The following RASSF4 variants were observed in gnomAD, a reference collection of about 807,000 sequenced individuals.
RASSF4 encodes Ras association domain family member 4.
RASSF4 carries 38 observed loss-of-function variants against 41.1 expected under a neutral mutation model. The observed-to-expected ratio is 0.92, with a 90% CI of 0.71 to 1.21. The LOEUF is 1.21. Among genes scored for constraint, RASSF4 ranks in the 50% most tolerant of loss-of-function variants. The pLI, the probability that RASSF4 is intolerant of heterozygous loss-of-function variation, is 0.00. For missense variants in RASSF4, 414 were observed against 419.4 expected (o/e 0.99, Z 0.11); for synonymous variants, 179 against 163.4 (o/e 1.10, Z -0.73).
At chr10:44,970,356 C>T (rs1841100384) in intron 2 of RASSF4, 92 bp downstream of exon 2, 4 of 1,048,152 alleles carry the variant, frequency 3.8e-6, no homozygotes, top group East Asian at 2.4e-5. Flanking sequence ...GTTCTGAGCA[C>T]TTGTTCAGAG....
rs139141249 is a variant in RASSF4 at position 44,977,533 on chromosome 10, C to G, written c.139-4988C>G. 1.5e-5 allele frequency: 24 copies of G among 1,613,342 alleles called. No homozygotes were observed. In the African/African-American group the frequency reaches 3.1e-4, roughly 21 times the overall value. ...GGTCAGAGCTCTGCTGCCCATCCTG[C>G]GGTGGTCTTGCCAGGGAATGCCCAG... On this transcript the variant is annotated intron_variant, in intron 3 of 10. Coordinates refer to ENST00000340258, the MANE Select transcript of RASSF4 (RefSeq NM_032023.4).
At position 44,989,307 on chromosome 10, in the gene RASSF4, A is replaced by C; in HGVS notation, c.565A>C (p.Thr189Pro). The C allele has an allele frequency of 6.2e-7, 1 of 1,613,916 alleles. No homozygotes were observed. The highest frequency in any genetic ancestry group is 8.5e-7 in the Non-Finnish European group (1 of 1,179,858). Residue 189 changes from threonine to proline, a missense_variant, in exon 7 of 11, where the codon ACC (threonine) becomes CCC (proline). By Grantham distance (38) the Thr-to-Pro change is conservative. Transcript: ENST00000340258. ...GTTTACTCCAGCCTATGGATCCGTG[A>C]CCAATGTGAGGGTCAACAGCACCAT... ...SVFTPAYGSV[T>P]NVRVNSTMTT...
At chr10:44,962,707 T>C (rs1840751513) in intron 1 of RASSF4, among the ~76,000 whole-genome samples, 1 of 152,174 alleles carries the variant, frequency 6.6e-6, no homozygotes, top group African/African-American at 2.4e-5. Flanking sequence ...GCTAAGAAGA[T>C]CTTTGTTTCT....
Position 44,993,553 on chromosome 10 carries a change from CT to C in RASSF4, c.*226del. 1.7e-6 allele frequency: 1 copy of C among 572,644 alleles called. No homozygotes were observed. 35.5% of individuals were successfully genotyped at this position (572,644 alleles called of 1,614,324 possible). The stretch of plus-strand genomic sequence containing the variant: ...CGACCCAGGCCTGAGGGGCCAGGAA[CT>C]TGCTGGGTCAGATCTGTGTGGCCAG... On this transcript the variant is annotated 3_prime_UTR_variant, in exon 11 of 11. Transcript: ENST00000340258.
chr10:44,963,033 G>A (rs1840764687), intron 1 of RASSF4, among the ~76,000 whole-genome samples: 1 of 152,134 alleles, frequency 6.6e-6, no homozygotes, highest in Non-Finnish European at 1.5e-5. Context: ...GGCCAGAACC[G>A]CAGCGGGGAG....
intron 7 of RASSF4, 50 bp downstream of exon 7, chr10:44,989,425 T>C: frequency 7.4e-7 from 1 of 1,349,422 alleles, no homozygotes; most frequent in Middle Eastern, 1.8e-4. Flanking sequence ...TGGTCTGCTA[T>C]TCTGTTGGGG....
At chr10:44,969,800 A>C (rs1388954153) in intron 1 of RASSF4, among the ~76,000 whole-genome samples, 1 of 152,248 alleles carries the variant, frequency 6.6e-6, no homozygotes, top group Non-Finnish European at 1.5e-5. Context: ...GTAGCTCTGG[A>C]GGATTGCAGG....
chr10:44,969,104 G>GTTT (rs34122459), intron 1 of RASSF4, among the ~76,000 whole-genome samples: 23 of 149,480 alleles, frequency 1.5e-4, no homozygotes, highest in Admixed American at 2.6e-4. Context: ...GTATGCGTGT[G>GTTT]TTTTTGTGTG....
chr10:44,960,571 CT>C (rs1046119173), intron 1 of RASSF4, among the ~76,000 whole-genome samples: 2 of 152,222 alleles, frequency 1.3e-5, no homozygotes, highest in African/African-American at 4.8e-5. Context: ...CCATCCTGCA[CT>C]TCCCACTTCC....
At chr10:44,991,566 G>A (rs996903673) in intron 9 of RASSF4, among the ~76,000 whole-genome samples, 1 of 152,226 alleles carries the variant, frequency 6.6e-6, no homozygotes, top group South Asian at 2.1e-4. Context: ...TCAGGCTGCT[G>A]CAATTGCATT....
chr10:44,965,229 G>A (rs571577610), intron 1 of RASSF4, among the ~76,000 whole-genome samples: 1 of 152,310 alleles, frequency 6.6e-6, no homozygotes, highest in East Asian at 1.9e-4. Context: ...TTAGATTCTG[G>A]TGAAACAGGC....
At chr10:44,982,047 G>A (rs1841727710) in intron 3 of RASSF4, 1 of 184,434 alleles carries the variant, frequency 5.4e-6, no homozygotes, top group South Asian at 9.4e-5. Flanking sequence ...GTGAGGCTGA[G>A]ACACAGCTAG....
At chr10:44,972,251 G>A (rs949411944) in intron 3 of RASSF4, among the ~76,000 whole-genome samples, 1 of 152,166 alleles carries the variant, frequency 6.6e-6, no homozygotes, top group Admixed American at 6.5e-5. Flanking sequence ...CCACATATCT[G>A]CAGGGTCTCA....
In RASSF4 at chr10:44,991,028, T is replaced by C. The variant is rs1842090628; in HGVS notation, c.766T>C (p.Phe256Leu). The C allele has an allele frequency of 6.2e-7, 1 of 1,613,790 alleles. No individual in the cohort carries two copies. Among genetic ancestry groups the C allele is most frequent in the Non-Finnish European group, 8.5e-7 (1 of 1,179,844 alleles). ...GCCATGTGAGAAGATCGCCAGGATCTTCCTGATGGAAGCTGACTTGGGCGT... is the reference window on the plus strand; with the variant it reads ...GCCATGTGAGAAGATCGCCAGGATCCTCCTGATGGAAGCTGACTTGGGCGT... ...HGPCEKIARI[F>L]LMEADLGVEV... Residue 256 changes from phenylalanine to leucine, a missense_variant, in exon 9 of 11, where the codon TTC becomes CTC. Coordinates refer to ENST00000340258, the MANE Select transcript of RASSF4 (RefSeq NM_032023.4).
At position 44,977,952 on chromosome 10, in the gene RASSF4, G is replaced by A. The variant is rs1251282664; in HGVS notation, c.139-4569G>A. 2.0e-5 allele frequency: 33 copies of A among 1,612,014 alleles called. No individual in the cohort carries two copies. The East Asian group carries it at 7.1e-4, about 35-fold the overall frequency. ...GGAGAGGGTGGGGGCTCCTGTCCAG[G>A]ACCCCCAAGCAGCATCTCCTCCGTG... On this transcript the variant is annotated intron_variant, in intron 3 of 10. Coordinates refer to ENST00000340258, the MANE Select transcript of RASSF4 (RefSeq NM_032023.4).
chr10:44,989,444 C>G, intron 7 of RASSF4, 69 bp downstream of exon 7: 1 of 1,174,206 alleles, frequency 8.5e-7, no homozygotes, highest in South Asian at 1.3e-5. Flanking sequence ...GGGTGGGGTT[C>G]TGGGGAAAGC....
chr10:44,977,919 C>T (rs370892703), intron 3 of RASSF4: 146 of 1,612,616 alleles, frequency 9.1e-5, no homozygotes, highest in Non-Finnish European at 1.2e-4. Flanking sequence ...ACGTAGTCAT[C>T]CAGGCTAGGA....
rs1344141962 is a variant in RASSF4, at chr10:44,991,064, C to T, written c.802C>T (p.His268Tyr). 1 of 1,612,170 alleles carries T rather than the reference C, an allele frequency of 6.2e-7. No homozygotes were observed. The highest frequency in any genetic ancestry group is 8.5e-7 in the Non-Finnish European group (1 of 1,178,748). Residue 268 changes from histidine to tyrosine, a missense_variant, in exon 9 of 11, where the codon CAT becomes TAT. By Grantham distance (83) the His-to-Tyr change is moderately conservative. Coordinates refer to ENST00000340258, the MANE Select transcript of RASSF4 (RefSeq NM_032023.4). The part of the protein sequence containing the change: ...MEADLGVEVP[H>Y]EVAQYIKFEM... Reference sequence around the variant, plus strand: ...AGCTGACTTGGGCGTGGAAGTCCCCCATGAAGTGAGTGGGGGCCAAGGCTG... The same window carrying T: ...AGCTGACTTGGGCGTGGAAGTCCCCTATGAAGTGAGTGGGGGCCAAGGCTG...
At chr10:44,992,232 C>T (rs937695872) in intron 10 of RASSF4, among the ~76,000 whole-genome samples, 1 of 152,260 alleles carries the variant, frequency 6.6e-6, no homozygotes, top group East Asian at 1.9e-4. Flanking sequence ...CCCCGATCAC[C>T]CATCCAGTCT....
Sources: allele counts gnomAD v4.1 joint callset (sites outside exome capture counted in the v4.1 genomes callset), GRCh38; gene constraint gnomAD v4.1.1; transcripts MANE v1.5; gene names NCBI Gene and HGNC (gene_info 2026-07-23, HGNC 2026-07-21).